PDE11A: variants seen among roughly 807,000 people sequenced by gnomAD.
PDE11A encodes the protein dual 3',5'-cyclic-AMP and -GMP phosphodiesterase 11A.
Under a neutral mutation model 100.5 loss-of-function variants are expected in PDE11A, and 100 were observed. The ratio of observed to expected loss-of-function variants is 1.00; its 90% confidence interval spans 0.85 to 1.18. The LOEUF (loss-of-function observed/expected upper bound fraction) is 1.18, where lower values mean the gene tolerates loss of function less well. PDE11A is among the 50% of genes most tolerant of loss of function. The pLI is 0.00. For synonymous variants in PDE11A, 381 were observed against 420.8 expected (o/e 0.91, Z 1.16); for missense variants, 1,141 against 1,152.6 (o/e 0.99, Z 0.15).
At chr2:177,733,182 T>C (rs2081719555) in intron 10 of PDE11A, among the ~76,000 whole-genome samples, 1 of 152,234 alleles carries the variant, frequency 6.6e-6, no homozygotes, top group African/African-American at 2.4e-5. Context: ...TCTTCAACTT[T>C]TCAATATTTA....
At chr2:177,845,810 CTTG>C (rs2083586621) in intron 5 of PDE11A, among the ~76,000 whole-genome samples, 1 of 152,242 alleles carries the variant, frequency 6.6e-6, no homozygotes, top group Non-Finnish European at 1.5e-5. Context: ...TGGTGGATCA[CTTG>C]CGGTTAGGGG....
At chr2:178,067,628 T>C (rs2087065247) in intron 1 of PDE11A, among the ~76,000 whole-genome samples, 2 of 152,162 alleles carry the variant, frequency 1.3e-5, no homozygotes, top group South Asian at 4.1e-4. Context: ...AAGTCTTTCA[T>C]TATGAGCCCA....
At chr2:177,701,639 G>T (rs533158287) in intron 13 of PDE11A, among the ~76,000 whole-genome samples, 1 of 152,204 alleles carries the variant, frequency 6.6e-6, no homozygotes, top group Non-Finnish European at 1.5e-5. Context: ...TGGCTCCGGG[G>T]ATCAGGGAAG....
At chr2:177,682,057 T>C (rs2080873605) in intron 15 of PDE11A, among the ~76,000 whole-genome samples, 1 of 152,106 alleles carries the variant, frequency 6.6e-6, no homozygotes, top group Non-Finnish European at 1.5e-5. Flanking sequence ...ATAAGAAACA[T>C]TTACAATTTA....
intron 10 of PDE11A, among the ~76,000 whole-genome samples, chr2:177,748,275 A>T (rs1327586427): frequency 6.6e-6 from 1 of 152,174 alleles, no homozygotes; most frequent in Non-Finnish European, 1.5e-5. Flanking sequence ...CTCCATGAGG[A>T]TGATTTGACT....
At position 177,840,391 on chromosome 2, in the gene PDE11A, A is replaced by G; in HGVS notation, c.1368-8T>C. Reference sequence around the variant, plus strand: ...TCCATGCTTTCTTTGAAACTATCAGAGCACCAAGGTAGGCAGGAAGAAAAG... The same window carrying G: ...TCCATGCTTTCTTTGAAACTATCAGGGCACCAAGGTAGGCAGGAAGAAAAG... On this transcript the variant is annotated splice_region_variant and splice_polypyrimidine_tract_variant and intron_variant, in intron 5 of 19. Coordinates refer to ENST00000286063, the MANE Select transcript of PDE11A (RefSeq NM_016953.4). The G allele has an allele frequency of 6.2e-7, 1 of 1,613,520 alleles. No homozygotes were observed. Among genetic ancestry groups the G allele is most frequent in the Non-Finnish European group, 8.5e-7 (1 of 1,179,470 alleles).
chr2:177,968,009 T>A (rs952184282), intron 2 of PDE11A, among the ~76,000 whole-genome samples: 2 of 152,220 alleles, frequency 1.3e-5, no homozygotes, highest in Non-Finnish European at 2.9e-5. Flanking sequence ...GTCACACAGA[T>A]AATAAATGGT....
At chr2:177,843,952 C>T (rs1409285500) in intron 5 of PDE11A, among the ~76,000 whole-genome samples, 1 of 152,150 alleles carries the variant, frequency 6.6e-6, no homozygotes, top group East Asian at 1.9e-4. Context: ...AGGTGAGATT[C>T]AAACTGACCT....
intron 10 of PDE11A, among the ~76,000 whole-genome samples, chr2:177,749,193 TTTTGTTTG>T (rs4019842): frequency 3.3e-5 from 5 of 149,750 alleles, no homozygotes; most frequent in African/African-American, 1.2e-4. Context: ...AATACAGGAG[TTTTGTTTG>T]TTTGTTTGTT....
At chr2:177,728,298 A>G in intron 10 of PDE11A, 126 bp from the exon 11 acceptor site, 1 of 659,966 alleles carries the variant, frequency 1.5e-6, no homozygotes, top group Non-Finnish European at 2.7e-6. Context: ...ACACCCTGAT[A>G]CAGCTAAACT....
At chr2:177,746,882 T>C (rs1316232961) in intron 10 of PDE11A, among the ~76,000 whole-genome samples, 4 of 152,160 alleles carry the variant, frequency 2.6e-5, no homozygotes, top group African/African-American at 9.7e-5. Flanking sequence ...AATAAAAGAT[T>C]GACTGGGATT....
At chr2:178,081,062 T>C (rs1020438782) in intron 2 of PDE11A, among the ~76,000 whole-genome samples, 2 of 152,166 alleles carry the variant, frequency 1.3e-5, no homozygotes, top group African/African-American at 4.8e-5. Context: ...AAATTAACCT[T>C]ACTAATGTGC....
chr2:177,863,360 C>T (rs1488662563), intron 5 of PDE11A, among the ~76,000 whole-genome samples: 1 of 151,972 alleles, frequency 6.6e-6, no homozygotes, highest in African/African-American at 2.4e-5. Context: ...AGCTTCTGTA[C>T]ACCAAAGGAA....
chr2:178,091,681 G>C (rs1362108703), intron 2 of PDE11A, among the ~76,000 whole-genome samples: 40 of 152,118 alleles, frequency 2.6e-4, no homozygotes, highest in Non-Finnish European at 2.2e-4. Context: ...AGCTGTTGCA[G>C]GGGCTGCCTC....
chr2:177,814,291 T>A (rs1279764955), intron 9 of PDE11A, among the ~76,000 whole-genome samples: 3 of 151,850 alleles, frequency 2.0e-5, no homozygotes, highest in Admixed American at 2.0e-4. Context: ...AAATATATAT[T>A]CAGAAGTTGA....
chr2:177,712,272 T>C (rs1197815198), intron 12 of PDE11A, among the ~76,000 whole-genome samples: 5 of 151,882 alleles, frequency 3.3e-5, no homozygotes, highest in African/African-American at 4.8e-5. Flanking sequence ...GGGCAGTGAA[T>C]TGCAAAGTGA....
At chr2:177,833,776 G>T (rs1040770559) in intron 6 of PDE11A, among the ~76,000 whole-genome samples, 1 of 152,200 alleles carries the variant, frequency 6.6e-6, no homozygotes, top group Admixed American at 6.5e-5. Flanking sequence ...GAGAAATTTA[G>T]AATAGATATT....
intron 1 of PDE11A, among the ~76,000 whole-genome samples, chr2:178,043,159 G>C (rs2086704493): frequency 6.6e-6 from 1 of 152,114 alleles, no homozygotes; most frequent in Non-Finnish European, 1.5e-5. Context: ...GTGCCCATTT[G>C]TGAAATGGAA....
chr2:177,967,378 A>G (rs1026113312), intron 2 of PDE11A, among the ~76,000 whole-genome samples: 1 of 151,532 alleles, frequency 6.6e-6, no homozygotes, highest in Admixed American at 6.6e-5. Context: ...TTATAGTTTT[A>G]GTAGAGACAA....
Sources: gnomAD v4.1 joint callset for allele counts (sites outside exome capture counted in the v4.1 genomes callset) on GRCh38, gnomAD v4.1.1 for gene constraint, MANE v1.5 for transcripts, NCBI Gene and HGNC (gene_info 2026-07-23, HGNC 2026-07-21) for gene names.